STK32B: variants seen among roughly 807,000 people sequenced by gnomAD.
STK32B encodes the protein serine/threonine kinase 32B, also known as serine/threonine-protein kinase 32B.
STK32B carries 43 observed loss-of-function variants against 52.6 expected under a neutral mutation model. The ratio of observed to expected loss-of-function variants is 0.82; its 90% CI spans 0.64 to 1.05. STK32B has a LOEUF of 1.05. Among genes scored for constraint, STK32B ranks in the 50% least tolerant of loss-of-function variants. STK32B has a pLI of 0.00. For missense variants in STK32B, 621 were observed against 534.6 expected (o/e 1.16, Z -1.59); for synonymous variants, 238 against 204.3 (o/e 1.17, Z -1.41).
At chr4:5,029,625 T>C in the STK32B span, among the ~76,000 whole-genome samples, 1 of 152,144 alleles carries the variant, frequency 6.6e-6, no homozygotes, top group African/African-American at 2.4e-5. Flanking sequence ...AAGCCGGTCC[T>C]CCCCGACGGC....
chr4:5,024,621 C>T, the STK32B span, among the ~76,000 whole-genome samples: 1 of 152,196 alleles, frequency 6.6e-6, no homozygotes, highest in Non-Finnish European at 1.5e-5. Context: ...GCGGACCCTG[C>T]CTATGCCCTG....
At chr4:5,351,758 A>T (rs183856141) in intron 4 of STK32B, among the ~76,000 whole-genome samples, 1 of 152,022 alleles carries the variant, frequency 6.6e-6, no homozygotes, top group Non-Finnish European at 1.5e-5. Context: ...AAAATCAGAA[A>T]TGACAAAGAA....
intron 6 of STK32B, among the ~76,000 whole-genome samples, chr4:5,437,369 T>G (rs145776327): frequency 6.6e-6 from 1 of 152,252 alleles, no homozygotes; most frequent in African/African-American, 2.4e-5. Flanking sequence ...TCTTTCTGCC[T>G]CTTTGAGCTT....
chr4:5,377,527 A>G (rs1735659188), intron 4 of STK32B, among the ~76,000 whole-genome samples: 1 of 152,286 alleles, frequency 6.6e-6, no homozygotes, highest in South Asian at 2.1e-4. Flanking sequence ...TGGCAAACCA[A>G]TCTCACCTGC....
intron 3 of STK32B, among the ~76,000 whole-genome samples, chr4:5,216,694 A>G (rs1431514159): frequency 6.6e-6 from 1 of 152,194 alleles, no homozygotes; most frequent in Admixed American, 6.5e-5. Flanking sequence ...TGTGCAGAAC[A>G]CAGCGGGGAA....
chr4:5,367,742 T>C (rs1325695895), intron 4 of STK32B, among the ~76,000 whole-genome samples: 1 of 152,230 alleles, frequency 6.6e-6, no homozygotes, highest in Non-Finnish European at 1.5e-5. Context: ...TTTTATTGTA[T>C]CCTTTCCCGT....
intron 2 of STK32B, among the ~76,000 whole-genome samples, chr4:5,156,752 A>G (rs1717885843): frequency 6.6e-6 from 1 of 152,206 alleles, no homozygotes; most frequent in South Asian, 2.1e-4. Flanking sequence ...GGCAGTCTGC[A>G]CATAAAATGG....
At chr4:5,496,480 C>A (rs950805695) in intron 11 of STK32B, among the ~76,000 whole-genome samples, 1 of 151,888 alleles carries the variant, frequency 6.6e-6, no homozygotes, top group East Asian at 1.9e-4. Flanking sequence ...CCATCTGTCA[C>A]CCCTTTCTTT....
At chr4:5,357,511 C>T (rs1734266322) in intron 4 of STK32B, among the ~76,000 whole-genome samples, 1 of 151,808 alleles carries the variant, frequency 6.6e-6, no homozygotes, top group African/African-American at 2.4e-5. Flanking sequence ...GATGATGACC[C>T]AGATTGGGTT....
At chr4:5,477,641 G>A (rs1003516007) in intron 11 of STK32B, among the ~76,000 whole-genome samples, 3 of 152,164 alleles carry the variant, frequency 2.0e-5, no homozygotes, top group Admixed American at 6.5e-5. Flanking sequence ...ACATCTTCCT[G>A]CTGCTTCTCA....
At chr4:5,082,788 C>G (rs1033149281) in intron 1 of STK32B, among the ~76,000 whole-genome samples, 2 of 151,930 alleles carry the variant, frequency 1.3e-5, no homozygotes, top group African/African-American at 4.8e-5. Flanking sequence ...CTCCACTACT[C>G]TGGTCTTAAC....
intron 3 of STK32B, among the ~76,000 whole-genome samples, chr4:5,268,596 A>G (rs1577269348): frequency 6.7e-6 from 1 of 149,840 alleles, no homozygotes; most frequent in South Asian, 2.1e-4. Flanking sequence ...TAGCAAATAT[A>G]TATGCTTTAT....
At chr4:5,022,967 G>A in the STK32B span, among the ~76,000 whole-genome samples, 3 of 152,032 alleles carry the variant, frequency 2.0e-5, no homozygotes, top group Non-Finnish European at 2.9e-5. Context: ...GAGAGGTGAC[G>A]AATGCAGTGG....
At chr4:5,280,045 C>A (rs1403884294) in intron 3 of STK32B, among the ~76,000 whole-genome samples, 1 of 152,212 alleles carries the variant, frequency 6.6e-6, no homozygotes, top group Non-Finnish European at 1.5e-5. Flanking sequence ...TGGCTAGGAA[C>A]ATTTGGCTCT....
At chr4:5,401,583 C>T (rs1209427992) in intron 5 of STK32B, among the ~76,000 whole-genome samples, 1 of 152,120 alleles carries the variant, frequency 6.6e-6, no homozygotes, top group Non-Finnish European at 1.5e-5. Flanking sequence ...GATTTGAGGT[C>T]TCTGAGCCAG....
At chr4:5,200,001 C>T (rs540087918) in intron 3 of STK32B, among the ~76,000 whole-genome samples, 12 of 152,138 alleles carry the variant, frequency 7.9e-5, no homozygotes, top group Non-Finnish European at 7.3e-5. Flanking sequence ...ACCACTTTAG[C>T]GAGGTCATGA....
chr4:5,450,173 A>G lies in STK32B; in HGVS notation c.666+3397A>G, dbSNP rs1322549437. 6.6e-5 allele frequency among the ~76,000 whole-genome samples: 10 copies of G among 152,284 alleles called. No individual in the cohort carries two copies. The East Asian group carries it at 1.5e-3, about 24-fold the overall frequency. ...CAACTTCTCTCTGACCCAAACTAGA[A>G]TCTTAGTTCTTACCCTGGCAGGCAT... On this transcript the variant is annotated intron_variant, in intron 7 of 11. Transcript: ENST00000282908.
intron 3 of STK32B, among the ~76,000 whole-genome samples, chr4:5,322,712 A>G (rs1192744923): frequency 6.6e-6 from 1 of 152,032 alleles, no homozygotes; most frequent in African/African-American, 2.4e-5. Context: ...CCTACCTTTA[A>G]CAACTGCACA....
intron 11 of STK32B, among the ~76,000 whole-genome samples, chr4:5,477,169 TCCTCAAAATTC>T (rs1394499279): frequency 1.3e-5 from 2 of 152,132 alleles, no homozygotes; most frequent in Non-Finnish European, 2.9e-5. Flanking sequence ...CCTCGATTTC[TCCTCAAAATTC>T]AAACAAAACG....
Sources: gnomAD v4.1 joint callset for allele counts (sites outside exome capture counted in the v4.1 genomes callset) on GRCh38, gnomAD v4.1.1 for gene constraint, MANE v1.5 for transcripts, NCBI Gene and HGNC (gene_info 2026-07-23, HGNC 2026-07-21) for gene names.